Variants in TFDP2 observed in about 807,000 individuals in gnomAD.
The protein encoded by TFDP2 is transcription factor Dp-2 (E2F dimerization partner 2).
A neutral mutation model predicts 59.3 loss-of-function variants in TFDP2; 17 were observed. The ratio of observed to expected loss-of-function variants is 0.29; its 90% confidence interval spans 0.20 to 0.43. The LOEUF (loss-of-function observed/expected upper bound fraction) is 0.43. Among genes scored for constraint, TFDP2 ranks in the 20% least tolerant of loss-of-function variants. The pLI is 1.00. For missense variants in TFDP2, 391 were observed against 528.8 expected (o/e 0.74, Z 2.56); for synonymous variants, 180 against 194.7 (o/e 0.92, Z 0.63).
At position 141,948,708 on chromosome 3, in the gene TFDP2, C is replaced by T. The variant is rs1452411619; in HGVS notation, c.*3805G>A. 1 of 152,104 alleles carries T rather than the reference C, an allele frequency of 6.6e-6. No individual in the cohort carries two copies. The highest frequency in any genetic ancestry group is 1.5e-5 in the Non-Finnish European group (1 of 68,058). The allele number at this position is 152,104 out of a possible 1,614,324, so 9.4% of individuals were successfully genotyped here. A position where few individuals can be genotyped will look rare whatever the true frequency, so the allele number is the denominator to read the frequency against. ...AGTCACATTTATACTTGGAGCAACT[C>T]TGCTGTCTCTATGACCCAAGTAGCC... On this transcript the variant is annotated 3_prime_UTR_variant, in exon 13 of 13. Transcript: ENST00000489671.
At chr3:142,137,633 T>G (rs2062782926) in intron 1 of TFDP2, among the ~76,000 whole-genome samples, 1 of 152,212 alleles carries the variant, frequency 6.6e-6, no homozygotes, top group Non-Finnish European at 1.5e-5. Context: ...TCTATTGACA[T>G]AATCATGTGG....
At chr3:142,086,905 C>T (rs888240043) in intron 3 of TFDP2, among the ~76,000 whole-genome samples, 5 of 152,174 alleles carry the variant, frequency 3.3e-5, no homozygotes, top group African/African-American at 1.2e-4. Flanking sequence ...CCTAATTACC[C>T]AGGAAATCCT....
chr3:142,066,284 A>G (rs181208981), intron 3 of TFDP2, among the ~76,000 whole-genome samples: 48 of 152,338 alleles, frequency 3.2e-4, no homozygotes, highest in Middle Eastern at 6.8e-3. Flanking sequence ...TGGTGCCACT[A>G]TAAATGTATG....
chr3:142,052,818 CT>C (rs968627269), intron 3 of TFDP2, among the ~76,000 whole-genome samples: 7 of 150,526 alleles, frequency 4.7e-5, no homozygotes, highest in East Asian at 3.9e-4. Context: ...TCTTTTTTTT[CT>C]TTTTTTTTGA....
intron 10 of TFDP2, among the ~76,000 whole-genome samples, chr3:141,962,272 T>C (rs916932804): frequency 3.9e-5 from 6 of 152,276 alleles, no homozygotes; most frequent in Middle Eastern, 3.4e-3. Flanking sequence ...AAAAATTTAT[T>C]GGTTCTGGTT....
rs367616935 is a variant in TFDP2 at position 142,068,075 on chromosome 3, C to T, written c.82+24986G>A. On this transcript the variant is annotated intron_variant, in intron 3 of 12. Transcript: ENST00000489671. ...AGATAGTGTGGCACTGGCAAAAGAA[C>T]GGCAAAATAGATCAACAAAACAGGA... Among the ~76,000 whole-genome samples the T allele has an allele frequency of 2.7e-5, 4 of 147,706 alleles. No individual in the cohort carries two copies. In the East Asian group the frequency reaches 6.0e-4, roughly 22 times the overall value.
chr3:142,074,943 A>C (rs2060390120), intron 3 of TFDP2, among the ~76,000 whole-genome samples: 1 of 152,240 alleles, frequency 6.6e-6, no homozygotes, highest in Non-Finnish European at 1.5e-5. Flanking sequence ...ATTTTCGACA[A>C]GGGTGCCAAG....
chr3:141,990,603 T>C (rs1301012164), intron 6 of TFDP2, among the ~76,000 whole-genome samples: 1 of 152,342 alleles, frequency 6.6e-6, no homozygotes, highest in Non-Finnish European at 1.5e-5. Flanking sequence ...TGCTTCCTCC[T>C]GGTTTCTTTG....
intron 6 of TFDP2, among the ~76,000 whole-genome samples, chr3:141,991,652 G>A (rs1942780029): frequency 1.3e-5 from 2 of 152,230 alleles, no homozygotes; most frequent in South Asian, 4.1e-4. Context: ...GGGAGGCTGA[G>A]GCAGGAGAAT....
intron 5 of TFDP2, 44 bp downstream of exon 5, chr3:141,994,976 A>G: frequency 4.1e-6 from 6 of 1,465,796 alleles, no homozygotes; most frequent in Non-Finnish European, 5.4e-6. Flanking sequence ...AAATGTCTAA[A>G]CTTTTTTTAA....
chr3:142,057,961 G>A (rs911359637), intron 3 of TFDP2, among the ~76,000 whole-genome samples: 9 of 152,086 alleles, frequency 5.9e-5, no homozygotes, highest in African/African-American at 2.2e-4. Context: ...ATCCTTTAAG[G>A]TCTATGGTCC....
intron 11 of TFDP2, among the ~76,000 whole-genome samples, chr3:141,957,628 T>G (rs1936858097): frequency 6.6e-6 from 1 of 152,170 alleles, no homozygotes; most frequent in South Asian, 2.1e-4. Context: ...GAATAGTATT[T>G]GGCAATAAAG....
chr3:142,064,297 G>A (rs1402071216), intron 3 of TFDP2, among the ~76,000 whole-genome samples: 1 of 152,128 alleles, frequency 6.6e-6, no homozygotes, highest in Non-Finnish European at 1.5e-5. Context: ...CTGAGAACTT[G>A]TTAGCGATAC....
intron 11 of TFDP2, among the ~76,000 whole-genome samples, chr3:141,957,613 C>T (rs1317900199): frequency 6.6e-6 from 1 of 151,938 alleles, no homozygotes; most frequent in Non-Finnish European, 1.5e-5. Flanking sequence ...TCCATCCATA[C>T]AATGGAATAG....
chr3:141,980,744 C>A (rs2108077629), intron 6 of TFDP2, among the ~76,000 whole-genome samples: 1 of 152,208 alleles, frequency 6.6e-6, no homozygotes, highest in East Asian at 1.9e-4. Flanking sequence ...CCATGTTGGT[C>A]AGGCTGGTCT....
chr3:142,017,193 T>C (rs901213553), intron 3 of TFDP2, among the ~76,000 whole-genome samples: 6 of 152,198 alleles, frequency 3.9e-5, no homozygotes, highest in African/African-American at 1.4e-4. Context: ...ATATGACACA[T>C]TACATATTTA....
At chr3:142,116,677 A>G (rs2061860980) in intron 1 of TFDP2, among the ~76,000 whole-genome samples, 1 of 152,176 alleles carries the variant, frequency 6.6e-6, no homozygotes, top group South Asian at 2.1e-4. Context: ...TTTGCACACT[A>G]TTATAGTTAC....
intron 3 of TFDP2, among the ~76,000 whole-genome samples, chr3:142,083,735 C>CA (rs1262084274): frequency 2.0e-5 from 3 of 152,096 alleles, no homozygotes; most frequent in Non-Finnish European, 4.4e-5. Context: ...ACAAAGGTGC[C>CA]AACAACATAC....
chr3:142,095,944 A>G (rs1000629890), intron 2 of TFDP2, among the ~76,000 whole-genome samples: 17 of 152,222 alleles, frequency 1.1e-4, no homozygotes, highest in Non-Finnish European at 2.1e-4. Context: ...CCTTTTTGTT[A>G]TTATACAACC....
Sources: gnomAD v4.1 joint callset for allele counts (sites outside exome capture counted in the v4.1 genomes callset) on GRCh38, gnomAD v4.1.1 for gene constraint, MANE v1.5 for transcripts, NCBI Gene and HGNC (gene_info 2026-07-23, HGNC 2026-07-21) for gene names.